The following MINPP1 variants were observed in gnomAD, a reference collection of about 807,000 sequenced individuals.
MINPP1 encodes the protein multiple inositol polyphosphate phosphatase 1.
MINPP1 carries 28 observed loss-of-function variants against 46.1 expected under a neutral mutation model. The observed-to-expected ratio is 0.61, with a 90% confidence interval of 0.45 to 0.83. The LOEUF is 0.83. Ranked by LOEUF, MINPP1 falls within the 40% of genes least tolerant of loss-of-function variation. The probability of loss-of-function intolerance (pLI) is 0.00; values close to 1 mark genes in which losing one functional copy is unlikely to be tolerated. For missense variants in MINPP1, 603 were observed against 610.0 expected (o/e 0.99, Z 0.12); for synonymous variants, 268 against 249.1 (o/e 1.08, Z -0.72).
Position 87,552,627 on chromosome 10 carries a change from G to T in MINPP1, c.*149G>T, listed in dbSNP as rs925808361. ...AGAAAAACATTGGGTTTCTCTCTGG[G>T]TTTGGACATGAAATGTAAGAAAAGA... On this transcript the variant is annotated 3_prime_UTR_variant, in exon 5 of 5. Transcript: ENST00000371996. 1.3e-6 allele frequency: 1 copy of T among 780,722 alleles called. No homozygotes were observed. Among genetic ancestry groups the T allele is most frequent in the African/African-American group, 1.8e-5 (1 of 57,098 alleles). The allele number at this position is 780,722 out of a possible 1,614,324, so 48.4% of individuals were successfully genotyped here. A position where few individuals can be genotyped will look rare whatever the true frequency, so the allele number is the denominator to read the frequency against.
At position 87,514,122 on chromosome 10, in the gene MINPP1, C is replaced by T. The variant is rs146345758; in HGVS notation, c.933+901C>T. 1.3e-3 allele frequency among the ~76,000 whole-genome samples: 193 copies of T among 152,046 alleles called. 6 individuals are homozygous for T. In the East Asian group the frequency reaches 0.032, roughly 25 times the overall value. On this transcript the variant is annotated intron_variant, in intron 3 of 4. Coordinates refer to ENST00000371996, the MANE Select transcript of MINPP1 (RefSeq NM_004897.5). ...ATAAGTTAATCACACTGGCAGATTC[C>T]CTTTTATCAGGTAAGGTAACATATT... is the stretch of plus-strand genomic sequence containing the variant.
Position 87,532,319 on chromosome 10 carries a change from T to C in MINPP1, c.1067+11150T>C, listed in dbSNP as rs533931414. Among the ~76,000 whole-genome samples the C allele has an allele frequency of 2.0e-5, 3 of 152,386 alleles. No homozygotes were observed. In the East Asian group the frequency reaches 5.8e-4, roughly 29 times the overall value. On this transcript the variant is annotated intron_variant, in intron 4 of 4. Coordinates refer to ENST00000371996, the MANE Select transcript of MINPP1 (RefSeq NM_004897.5). ...ACTATGTTTATATGTCAGGCAGTGA[T>C]GACTGAGGCAAAGTCATTGCACTGT...
intron 4 of MINPP1, among the ~76,000 whole-genome samples, chr10:87,551,867 G>A (rs1017662639): frequency 6.6e-6 from 1 of 152,122 alleles, no homozygotes; most frequent in South Asian, 2.1e-4. Context: ...ACAGTACAGT[G>A]ATCTGAATTT....
chr10:87,531,282 A>T (rs1390974389), intron 4 of MINPP1, among the ~76,000 whole-genome samples: 1 of 152,212 alleles, frequency 6.6e-6, no homozygotes, highest in Non-Finnish European at 1.5e-5. Flanking sequence ...TGCATGGCTC[A>T]CACTGGGAGC....
chr10:87,552,090 C>T lies in MINPP1; in HGVS notation c.1076C>T (p.Pro359Leu), dbSNP rs768863610. The T allele has an allele frequency of 6.2e-7, 1 of 1,611,542 alleles. No homozygotes were observed. ...TTAATTTCTATTTGAAGGTCTCAGC[C>T]AATTTCTTCTCCAGTCATCCTCCAG... is the stretch of plus-strand genomic sequence containing the variant. ...KAVEQKQRSQ[P>L]ISSPVILQFG... The change falls in exon 5 of 5, where the codon CCA becomes CTA. Residue 359 changes from proline to leucine, a missense_variant. Physicochemically the swap from Pro to Leu is moderately conservative, Grantham distance 98. Coordinates refer to ENST00000371996, the MANE Select transcript of MINPP1 (RefSeq NM_004897.5).
chr10:87,535,267 G>A (rs1412556660), intron 4 of MINPP1, among the ~76,000 whole-genome samples: 1 of 152,170 alleles, frequency 6.6e-6, no homozygotes, highest in Non-Finnish European at 1.5e-5. Flanking sequence ...TAAAATTCAG[G>A]TAATACTCAT....
chr10:87,510,432 C>G lies in MINPP1; in HGVS notation c.835+1899C>G, dbSNP rs149828701. 2.6e-5 allele frequency among the ~76,000 whole-genome samples: 4 copies of G among 152,332 alleles called. No homozygotes were observed. In the East Asian group the frequency reaches 7.7e-4, roughly 29 times the overall value. ...AGTCAATGCTAGTTAAATTGTTTAA[C>G]CCATCATCGAATTTTACTGCTGTAA... is the stretch of plus-strand genomic sequence containing the variant. On this transcript the variant is annotated intron_variant, in intron 2 of 4. Coordinates refer to ENST00000371996, the MANE Select transcript of MINPP1 (RefSeq NM_004897.5).
intron 4 of MINPP1, among the ~76,000 whole-genome samples, chr10:87,537,189 A>C (rs1383863025): frequency 6.6e-6 from 1 of 152,102 alleles, no homozygotes; most frequent in Non-Finnish European, 1.5e-5. Context: ...CACCCACCTC[A>C]GCCTCCCAAA....
intron 3 of MINPP1, among the ~76,000 whole-genome samples, chr10:87,519,766 A>G (rs373785049): frequency 6.6e-6 from 1 of 151,808 alleles, no homozygotes; most frequent in South Asian, 2.1e-4. Flanking sequence ...GTTTGTGACT[A>G]TTGTAGTCAT....
At chr10:87,515,949 C>T (rs1364764895) in intron 3 of MINPP1, among the ~76,000 whole-genome samples, 1 of 151,476 alleles carries the variant, frequency 6.6e-6, no homozygotes, top group Non-Finnish European at 1.5e-5. Context: ...CTGCCTCAGC[C>T]TCCCCAGTAG....
In MINPP1 at chr10:87,526,159, T is replaced by C. The variant is rs531944662; in HGVS notation, c.1067+4990T>C. 1.6e-3 allele frequency among the ~76,000 whole-genome samples: 243 copies of C among 152,354 alleles called. 3 individuals carry two copies. The highest frequency in any genetic ancestry group is 4.4e-4 in the Non-Finnish European group (30 of 68,034). On this transcript the variant is annotated intron_variant, in intron 4 of 4. Transcript: ENST00000371996. ...GTCTTCCACAATGGTTGAACTAGTT[T>C]ACAGTCCAACCAACAGTGTAAAAGT...
intron 4 of MINPP1, among the ~76,000 whole-genome samples, chr10:87,549,671 GAA>G (rs1222618691): frequency 1.3e-5 from 2 of 152,218 alleles, no homozygotes; most frequent in Admixed American, 1.3e-4. Flanking sequence ...TTCTGTGGGG[GAA>G]AGAGGAGAGA....
chr10:87,518,558 C>T (rs903303280), intron 3 of MINPP1, among the ~76,000 whole-genome samples: 2 of 151,968 alleles, frequency 1.3e-5, no homozygotes, highest in African/African-American at 4.8e-5. Context: ...CTTTCCCCTG[C>T]ACGCCAAGCA....
At chr10:87,511,696 C>G (rs1851336584) in intron 2 of MINPP1, among the ~76,000 whole-genome samples, 1 of 152,122 alleles carries the variant, frequency 6.6e-6, no homozygotes, top group South Asian at 2.1e-4. Flanking sequence ...TCTCCCTGTA[C>G]TCTGAAGAGT....
intron 4 of MINPP1, among the ~76,000 whole-genome samples, chr10:87,550,418 C>T (rs1851945921): frequency 6.6e-6 from 1 of 152,088 alleles, no homozygotes; most frequent in Non-Finnish European, 1.5e-5. Context: ...TTAAGTTTTA[C>T]ACCTTTTAGA....
chr10:87,528,722 G>T (rs1236573593), intron 4 of MINPP1, among the ~76,000 whole-genome samples: 4 of 152,124 alleles, frequency 2.6e-5, no homozygotes, highest in African/African-American at 9.7e-5. Context: ...ATGTCTATTA[G>T]GTCTGCTTGG....
intron 4 of MINPP1, among the ~76,000 whole-genome samples, chr10:87,536,488 G>A (rs201627831): frequency 6.6e-6 from 1 of 151,278 alleles, no homozygotes; most frequent in Non-Finnish European, 1.5e-5. Context: ...ATATATATAC[G>A]CCCATGAAAC....
At chr10:87,534,040 ATATT>A (rs1851697595) in intron 4 of MINPP1, among the ~76,000 whole-genome samples, 2 of 134,856 alleles carry the variant, frequency 1.5e-5, no homozygotes, top group Admixed American at 1.7e-4. Context: ...TACTGGCTAA[ATATT>A]TTTTTTTTTT....
chr10:87,512,947 A>G (rs1241728201), intron 2 of MINPP1, among the ~76,000 whole-genome samples, 177 bp from the exon 3 acceptor site: 2 of 152,234 alleles, frequency 1.3e-5, no homozygotes, highest in Non-Finnish European at 2.9e-5. Context: ...CCCTTAAATT[A>G]CACAGAGAAA....
Sources: allele counts gnomAD v4.1 joint callset (sites outside exome capture counted in the v4.1 genomes callset), GRCh38; gene constraint gnomAD v4.1.1; transcripts MANE v1.5; gene names NCBI Gene and HGNC (gene_info 2026-07-23, HGNC 2026-07-21).